Variants in CFAP100 observed in about 807,000 individuals in gnomAD.
CFAP100 encodes the protein cilia- and flagella-associated protein 100.
A neutral mutation model predicts 81.5 loss-of-function variants in CFAP100; 70 were observed. That is an observed-to-expected ratio of 0.86 (90% confidence interval 0.71 to 1.05). CFAP100 has a LOEUF of 1.05. CFAP100 is among the 50% of genes least tolerant of loss of function. CFAP100 has a pLI of 0.00. For missense variants in CFAP100, 811 were observed against 776.5 expected (o/e 1.04, Z -0.53); for synonymous variants, 341 against 314.8 (o/e 1.08, Z -0.88).
At chr3:126,424,189 G>C (rs1262764229) in intron 13 of CFAP100, among the ~76,000 whole-genome samples, 2 of 152,250 alleles carry the variant, frequency 1.3e-5, no homozygotes, top group Non-Finnish European at 2.9e-5. Context: ...AACGGGGACG[G>C]GAGTGGGTGC....
At chr3:126,420,052 C>A (rs758085734) in intron 10 of CFAP100, 31 bp downstream of exon 10, 2 of 1,613,136 alleles carry the variant, frequency 1.2e-6, no homozygotes, top group African/African-American at 2.7e-5. Context: ...TGAGGAGGAG[C>A]CTGGCTCTGC....
intron 3 of CFAP100, among the ~76,000 whole-genome samples, chr3:126,409,321 T>C (rs1205374138): frequency 6.6e-6 from 1 of 152,256 alleles, no homozygotes; most frequent in Admixed American, 6.5e-5. Context: ...TTGCTGCACC[T>C]AGCCAGAGTC....
chr3:126,424,368 G>A (rs1030450660), intron 13 of CFAP100, among the ~76,000 whole-genome samples: 2 of 152,256 alleles, frequency 1.3e-5, no homozygotes, highest in Admixed American at 1.3e-4. Flanking sequence ...AGTGGCTAGG[G>A]CCTTGGGAAA....
Position 126,401,397 on chromosome 3 carries a change from T to TTTTATATATA in CFAP100, c.49+5349_49+5350insTTATATATAT, listed in dbSNP as rs869308239. The stretch of plus-strand genomic sequence containing the variant: ...ATGGCATAAAATGGCAAATCGTATT[T>TTTTATATATA]TATATATATATATATATATATATAT... On this transcript the variant is annotated intron_variant, in intron 2 of 16. Transcript: ENST00000352312. Among the ~76,000 whole-genome samples the TTTTATATATA allele has an allele frequency of 2.5e-3, 190 of 76,164 alleles. 3 individuals are homozygous for TTTTATATATA. The highest frequency in any genetic ancestry group is 3.9e-3 in the Non-Finnish European group (146 of 37,110). 50.0% of individuals were successfully genotyped at this position (76,164 alleles called of 152,430 possible). A position where few individuals can be genotyped will look rare whatever the true frequency, so the allele number is the denominator to read the frequency against.
At chr3:126,423,741 G>A (rs527474841) in intron 13 of CFAP100, 97 bp downstream of exon 13, 146 of 1,447,358 alleles carry the variant, frequency 1.0e-4, no homozygotes, top group Middle Eastern at 2.1e-4. Flanking sequence ...GCCCACACCC[G>A]TCCGTGGCCC....
At chr3:126,407,638 G>A (rs1371555732) in intron 3 of CFAP100, among the ~76,000 whole-genome samples, 3 of 152,194 alleles carry the variant, frequency 2.0e-5, no homozygotes, top group Admixed American at 6.5e-5. Context: ...ATTCCAGGCA[G>A]GGAAAAGTAA....
intron 2 of CFAP100, 133 bp from the exon 3 acceptor site, chr3:126,407,039 C>T (rs2083073771): frequency 1.8e-6 from 1 of 567,502 alleles, no homozygotes; most frequent in Admixed American, 3.0e-5. Context: ...GATGTAGAGC[C>T]CTCAGTCTCA....
chr3:126,407,958 CTG>C (rs1162973293), intron 3 of CFAP100, among the ~76,000 whole-genome samples: 1 of 152,236 alleles, frequency 6.6e-6, no homozygotes, highest in Non-Finnish European at 1.5e-5. Flanking sequence ...ACAGACCAGT[CTG>C]ATCCTTCTGC....
At chr3:126,399,988 C>T (rs181797170) in intron 2 of CFAP100, among the ~76,000 whole-genome samples, 3 of 152,246 alleles carry the variant, frequency 2.0e-5, no homozygotes, top group Admixed American at 2.0e-4. Context: ...GGCTCAGCGG[C>T]TGGCCATTGT....
At chr3:126,407,125 G>T in intron 2 of CFAP100, 47 bp from the exon 3 acceptor site, 1 of 1,361,308 alleles carries the variant, frequency 7.3e-7, no homozygotes, top group Non-Finnish European at 1.0e-6. Flanking sequence ...CAGTTCTCAT[G>T]GGCCAGGGGA....
Position 126,434,392 on chromosome 3 carries a change from G to A in CFAP100, c.1628+11G>A, listed in dbSNP as rs373554437. 1.6e-5 allele frequency: 25 copies of A among 1,607,150 alleles called. No homozygotes were observed. In the African/African-American group the frequency reaches 3.2e-4, roughly 21 times the overall value. ...GGAGCGGCGCATCAGGTGAGCTCTA[G>A]GCTCTCCCTGCCAGCTGCTGTGTCC... On this transcript the variant is annotated intron_variant, in intron 15 of 16. Transcript: ENST00000352312.
chr3:126,433,750 T>C lies in CFAP100; in HGVS notation c.1423-426T>C, dbSNP rs150416948. On this transcript the variant is annotated intron_variant, in intron 14 of 16. Coordinates refer to ENST00000352312, the MANE Select transcript of CFAP100 (RefSeq NM_182628.3). ...CGATACAGCCAGAATCCATGGGCACTGGCTGTGCCCAGGCTGGGCTGAGCT... is the reference window on the plus strand; with the variant it reads ...CGATACAGCCAGAATCCATGGGCACCGGCTGTGCCCAGGCTGGGCTGAGCT... 189 of 193,690 alleles carry C rather than the reference T, an allele frequency of 9.8e-4. 1 individual carries two copies. Among genetic ancestry groups the C allele is most frequent in the African/African-American group, 4.2e-3 (178 of 42,642 alleles). The allele number at this position is 193,690 out of a possible 1,614,324, so 12.0% of individuals were successfully genotyped here. A position where few individuals can be genotyped will look rare whatever the true frequency, so the allele number is the denominator to read the frequency against.
chr3:126,401,243 G>T (rs1292376637), intron 2 of CFAP100, among the ~76,000 whole-genome samples: 1 of 151,540 alleles, frequency 6.6e-6, no homozygotes, highest in African/African-American at 2.4e-5. Flanking sequence ...AAAAGTTTTT[G>T]AAATAGATAT....
At chr3:126,426,950 A>G (rs1031518500) in intron 13 of CFAP100, among the ~76,000 whole-genome samples, 2 of 152,238 alleles carry the variant, frequency 1.3e-5, no homozygotes, top group African/African-American at 4.8e-5. Context: ...TTAGGTATAA[A>G]TCTAACAAAA....
intron 1 of CFAP100, chr3:126,395,449 G>A (rs1156291294): frequency 1.3e-5 from 2 of 152,462 alleles, no homozygotes; most frequent in African/African-American, 4.8e-5. Context: ...GAGCTTGGAT[G>A]AGCAGAAAAG....
intron 2 of CFAP100, among the ~76,000 whole-genome samples, chr3:126,405,670 A>G (rs1274175043): frequency 6.6e-6 from 1 of 152,174 alleles, no homozygotes; most frequent in East Asian, 1.9e-4. Context: ...CTCAAAATAA[A>G]TAAATAAATA....
intron 15 of CFAP100, 24 bp downstream of exon 15, chr3:126,434,405 A>G: frequency 6.2e-7 from 1 of 1,602,690 alleles, no homozygotes; most frequent in Non-Finnish European, 8.5e-7. Flanking sequence ...TCTCCCTGCC[A>G]GCTGCTGTGT....
Position 126,435,648 on chromosome 3 carries a change from A to AG in CFAP100, c.1719dup (p.Lys574GlufsTer22). On this transcript the variant is annotated frameshift_variant, in exon 16 of 17. Transcript: ENST00000352312. LOFTEE classifies it low-confidence loss of function (END_TRUNC). ...GCGCGCGCCCAGGCTGAGATCAAGA[A>AG]GAAGGTAGGCAGGGTCGCCTTGGGG... 6.2e-7 allele frequency: 1 copy of AG among 1,610,804 alleles called. No individual in the cohort carries two copies. Among genetic ancestry groups the AG allele is most frequent in the Non-Finnish European group, 8.5e-7 (1 of 1,177,772 alleles).
chr3:126,419,102 T>TA lies in CFAP100; in HGVS notation c.678dup (p.Glu227ArgfsTer5). On this transcript the variant is annotated frameshift_variant, in exon 8 of 17. Coordinates refer to ENST00000352312, the MANE Select transcript of CFAP100 (RefSeq NM_182628.3). LOFTEE classifies it high-confidence loss of function. ...GCTGAGAAGGAGACCAAAGCCAAGA[T>TA]AGAGAAGATCCTTGAGATCCGGGAC... The TA allele has an allele frequency of 6.9e-7, 1 of 1,449,536 alleles. No individual in the cohort carries two copies. Among genetic ancestry groups the TA allele is most frequent in the African/African-American group, 1.5e-5 (1 of 66,380 alleles). 89.8% of individuals were successfully genotyped at this position (1,449,536 alleles called of 1,614,324 possible). A position where few individuals can be genotyped will look rare whatever the true frequency, so the allele number is the denominator to read the frequency against.
Sources: gnomAD v4.1 joint callset for allele counts (sites outside exome capture counted in the v4.1 genomes callset) on GRCh38, gnomAD v4.1.1 for gene constraint, MANE v1.5 for transcripts, NCBI Gene and HGNC (gene_info 2026-07-23, HGNC 2026-07-21) for gene names.